The following SYCP1 variants were observed in gnomAD, a reference collection of about 807,000 sequenced individuals.
The protein encoded by SYCP1 is synaptonemal complex protein 1, also known as cancer/testis antigen 8.
In SYCP1, 64 loss-of-function variants were observed where a neutral mutation model predicts 153.1. That is an observed-to-expected ratio of 0.42 (90% CI 0.34 to 0.51). SYCP1 has a LOEUF of 0.51. SYCP1 is among the 20% of genes least tolerant of loss of function. The probability of loss-of-function intolerance (pLI) is 0.06; values close to 1 mark genes in which losing one functional copy is unlikely to be tolerated. For synonymous variants in SYCP1, 384 were observed against 341.8 expected, an observed-to-expected ratio of 1.12 and a Z score of -1.36; for missense variants, 997 against 1,049.0, an observed-to-expected ratio of 0.95 and a Z score of 0.68.
intron 27 of SYCP1, among the ~76,000 whole-genome samples, chr1:114,969,908 G>A (rs898817234): frequency 3.9e-5 from 6 of 152,024 alleles, no homozygotes; most frequent in Non-Finnish European, 5.9e-5. Flanking sequence ...GGAGTTCCCC[G>A]GTCCCTTGCA....
At position 114,926,539 on chromosome 1, in the gene SYCP1, G is replaced by A; in HGVS notation, c.1902G>A (p.Lys634=). The change falls in exon 23 of 32, where the codon AAG becomes AAA. Residue 634 remains lysine, a synonymous_variant. Transcript: ENST00000369522. The part of the protein sequence containing the change: ...ALKKKGTAES[K]QLNVYEIKVN... ...AAAAAAAAGGTACAGCAGAAAGCAA[G>A]CAACTGAATGTTTATGAGATAAAGG... 1.3e-6 allele frequency: 2 copies of A among 1,594,954 alleles called. No individual in the cohort carries two copies. The highest frequency in any genetic ancestry group is 1.1e-5 in the South Asian group (1 of 87,746).
rs6681532 is a variant in SYCP1, at chr1:114,948,715, T to C, written c.2322+1395T>C. On this transcript the variant is annotated intron_variant, in intron 27 of 31. Transcript: ENST00000369522. ...GCCTTATTTATCTTTGTTTTCCCTT[T>C]ATCTGAGTACAGGGCTTTGAAATTT... 9.6e-4 allele frequency among the ~76,000 whole-genome samples: 147 copies of C among 152,348 alleles called. 1 individual carries two copies. Among genetic ancestry groups the C allele is most frequent in the African/African-American group, 2.9e-3 (122 of 41,580 alleles).
Position 114,857,156 on chromosome 1 carries a change from A to AAAAAAAAAAAAAAAAAAG in SYCP1, c.194-75_194-74insAAAAAAAAAAAAAAAAGA, listed in dbSNP as rs774041717. 11 of 921,440 alleles carry AAAAAAAAAAAAAAAAAAG rather than the reference A, an allele frequency of 1.2e-5. No homozygotes were observed. In the Admixed American group the frequency reaches 2.2e-4, roughly 18 times the overall value. The allele number at this position is 921,440 out of a possible 1,614,324, so 57.1% of individuals were successfully genotyped here. ...TCTCTCAAAAAAAAAAAAAAAAAAA[A>AAAAAAAAAAAAAAAAAAG]AGAGAAAAAAGAAAAAAAAAAAGAA... On this transcript the variant is annotated intron_variant, in intron 3 of 31. Coordinates refer to ENST00000369522, the MANE Select transcript of SYCP1 (RefSeq NM_003176.4).
At position 114,995,091 on chromosome 1, in the gene SYCP1, C is replaced by T. The variant is rs759048777; in HGVS notation, c.*72C>T. 5.0e-5 allele frequency: 70 copies of T among 1,408,808 alleles called. No homozygotes were observed. Among genetic ancestry groups the T allele is most frequent in the Admixed American group, 4.2e-4 (16 of 37,774 alleles). The allele number at this position is 1,408,808 out of a possible 1,614,324, so 87.3% of individuals were successfully genotyped here. A position where few individuals can be genotyped will look rare whatever the true frequency, so the allele number is the denominator to read the frequency against. On this transcript the variant is annotated 3_prime_UTR_variant, in exon 32 of 32. Transcript: ENST00000369522. ...TAGTTAATATTTTGTTCTTATTTGC[C>T]AGAGCCAAATTTTATCTGGAAGTTG...
At chr1:114,939,193 G>A (rs928403887) in intron 23 of SYCP1, among the ~76,000 whole-genome samples, 1 of 152,138 alleles carries the variant, frequency 6.6e-6, no homozygotes, top group Non-Finnish European at 1.5e-5. Flanking sequence ...TAGACTAAAT[G>A]TGGCCTCTAC....
At chr1:114,887,763 G>T in intron 15 of SYCP1, 70 bp downstream of exon 15, 1 of 977,336 alleles carries the variant, frequency 1.0e-6, no homozygotes, top group South Asian at 2.8e-5. Flanking sequence ...ACACTGTTTT[G>T]AAATAAAATA....
chr1:114,975,771 G>A (rs1259667499), intron 27 of SYCP1, among the ~76,000 whole-genome samples: 1 of 151,620 alleles, frequency 6.6e-6, no homozygotes, highest in Non-Finnish European at 1.5e-5. Flanking sequence ...TTAATTTGAT[G>A]GGGCCTTAAT....
intron 3 of SYCP1, 68 bp from the exon 4 acceptor site, chr1:114,857,164 A>T: frequency 1.7e-6 from 2 of 1,152,592 alleles, no homozygotes; most frequent in Non-Finnish European, 2.4e-6. Flanking sequence ...AAAAGAGAAA[A>T]AAGAAAAAAA....
chr1:114,957,865 A>G (rs1034321219), intron 27 of SYCP1, among the ~76,000 whole-genome samples: 3 of 152,144 alleles, frequency 2.0e-5, no homozygotes, highest in Non-Finnish European at 2.9e-5. Flanking sequence ...CATTATGGAA[A>G]ACAGTCTAGA....
chr1:114,919,954 T>C (rs1477970813), intron 20 of SYCP1, among the ~76,000 whole-genome samples: 2 of 152,034 alleles, frequency 1.3e-5, no homozygotes, highest in African/African-American at 4.8e-5. Flanking sequence ...ACCAACTTTT[T>C]GTTTTGTTGA....
chr1:114,969,833 T>C (rs1261839050), intron 27 of SYCP1, among the ~76,000 whole-genome samples: 1 of 152,122 alleles, frequency 6.6e-6, no homozygotes, highest in African/African-American at 2.4e-5. Flanking sequence ...AAAAACATAG[T>C]ATCTGGGCCA....
intron 25 of SYCP1, 62 bp downstream of exon 25, chr1:114,945,044 TG>T (rs1670619969): frequency 8.5e-7 from 1 of 1,181,462 alleles, no homozygotes; most frequent in African/African-American, 1.6e-5. Flanking sequence ...TGTTAAATAA[TG>T]GTGAAATCAA....
chr1:114,878,048 C>T (rs1439725386), intron 11 of SYCP1, 46 bp from the exon 12 acceptor site: 4 of 1,074,360 alleles, frequency 3.7e-6, no homozygotes, highest in Non-Finnish European at 4.1e-6. Context: ...GTTAAGGTGT[C>T]ATATTTAAAT....
At chr1:114,910,693 G>A (rs946378213) in intron 17 of SYCP1, among the ~76,000 whole-genome samples, 192 bp downstream of exon 17, 1 of 152,128 alleles carries the variant, frequency 6.6e-6, no homozygotes, top group Non-Finnish European at 1.5e-5. Flanking sequence ...ATGTGAGAAA[G>A]ATCAGCATTT....
chr1:114,917,001 T>C (rs1300495022), intron 20 of SYCP1, among the ~76,000 whole-genome samples: 2 of 152,100 alleles, frequency 1.3e-5, no homozygotes, highest in Non-Finnish European at 2.9e-5. Context: ...GTGTTACAAA[T>C]AGCCCAATTA....
At chr1:114,960,312 C>G (rs1189724963) in intron 27 of SYCP1, among the ~76,000 whole-genome samples, 3 of 151,906 alleles carry the variant, frequency 2.0e-5, no homozygotes, top group African/African-American at 7.3e-5. Flanking sequence ...GGATCACAGG[C>G]ATGCACCATC....
chr1:114,867,840 C>A (rs768018223), intron 8 of SYCP1, among the ~76,000 whole-genome samples: 4 of 151,916 alleles, frequency 2.6e-5, no homozygotes, highest in Non-Finnish European at 5.9e-5. Context: ...TGTTCCTGAT[C>A]TTAGTGGGAA....
intron 28 of SYCP1, among the ~76,000 whole-genome samples, chr1:114,979,421 G>T (rs1673008380): frequency 6.6e-6 from 1 of 151,722 alleles, no homozygotes; most frequent in African/African-American, 2.4e-5. Context: ...GAAAGGGATA[G>T]TTCAGTATTG....
chr1:114,868,588 C>T (rs1035906623), intron 8 of SYCP1, among the ~76,000 whole-genome samples: 3 of 152,178 alleles, frequency 2.0e-5, no homozygotes, highest in Non-Finnish European at 4.4e-5. Context: ...AAAATATTCC[C>T]TCTGCTTCTA....
Sources: allele counts gnomAD v4.1 joint callset (sites outside exome capture counted in the v4.1 genomes callset), GRCh38; gene constraint gnomAD v4.1.1; transcripts MANE v1.5; gene names NCBI Gene and HGNC (gene_info 2026-07-23, HGNC 2026-07-21).